BCKDHB: variants seen among roughly 807,000 people sequenced by gnomAD.
BCKDHB encodes the protein branched chain keto acid dehydrogenase E1 subunit beta, also known as 2-oxoisovalerate dehydrogenase subunit beta, mitochondrial.
Under a neutral mutation model 48.5 loss-of-function variants are expected in BCKDHB, and 41 were observed. That is an observed-to-expected ratio of 0.85 (90% CI 0.66 to 1.10). The LOEUF is 1.10. Among genes scored for constraint, BCKDHB ranks in the 50% least tolerant of loss-of-function variants. The pLI, the probability that BCKDHB is intolerant of heterozygous loss-of-function variation, is 0.00. For missense variants in BCKDHB, 496 were observed against 494.2 expected (o/e 1.00, Z -0.03); for synonymous variants, 201 against 174.8 (o/e 1.15, Z -1.18).
At chr6:80,359,654 G>T in the BCKDHB span, among the ~76,000 whole-genome samples, 1 of 152,128 alleles carries the variant, frequency 6.6e-6, no homozygotes. Flanking sequence ...GAGTGCAGTG[G>T]CGCTATCTGG....
chr6:80,268,332 T>C (rs1777599199), intron 8 of BCKDHB, among the ~76,000 whole-genome samples: 1 of 152,098 alleles, frequency 6.6e-6, no homozygotes, highest in African/African-American at 2.4e-5. Context: ...TAATGAAGTA[T>C]ACGTGCTATG....
chr6:80,129,265 A>G, intron 3 of BCKDHB, 36 bp downstream of exon 3: 1 of 1,524,812 alleles, frequency 6.6e-7, no homozygotes, highest in Non-Finnish European at 9.1e-7. Context: ...ATTCTGATAG[A>G]ACTTTTACTA....
At chr6:80,411,089 A>G in the BCKDHB span, among the ~76,000 whole-genome samples, 1 of 151,948 alleles carries the variant, frequency 6.6e-6, no homozygotes, top group Non-Finnish European at 1.5e-5. Flanking sequence ...GGTTTTATCT[A>G]CCTTTGGTCT....
At chr6:80,193,738 A>C (rs941492175) in intron 6 of BCKDHB, among the ~76,000 whole-genome samples, 6 of 150,980 alleles carry the variant, frequency 4.0e-5, no homozygotes, top group African/African-American at 1.5e-4. Context: ...AAAAAAAAAA[A>C]GTCTCCTGGT....
chr6:80,250,460 G>A (rs1294108921), intron 8 of BCKDHB, among the ~76,000 whole-genome samples: 3 of 152,082 alleles, frequency 2.0e-5, no homozygotes, highest in Non-Finnish European at 2.9e-5. Context: ...TTCCCAAACC[G>A]TGATCACAGC....
chr6:80,409,751 C>T, the BCKDHB span, among the ~76,000 whole-genome samples: 1 of 150,964 alleles, frequency 6.6e-6, no homozygotes, highest in Non-Finnish European at 1.5e-5. Context: ...GCAACCCCTG[C>T]TGCTTTTTGC....
the BCKDHB span, among the ~76,000 whole-genome samples, chr6:80,422,728 G>A: frequency 1.3e-5 from 2 of 152,194 alleles, no homozygotes; most frequent in African/African-American, 4.8e-5. Context: ...AACTTGCATA[G>A]GGATGGTGGC....
the BCKDHB span, among the ~76,000 whole-genome samples, chr6:80,461,579 A>G: frequency 6.6e-6 from 1 of 152,156 alleles, no homozygotes; most frequent in South Asian, 2.1e-4. Context: ...ATAAAGTCAA[A>G]CTTGTAAGCA....
chr6:80,293,399 C>T (rs547680141), intron 9 of BCKDHB, among the ~76,000 whole-genome samples: 16 of 152,214 alleles, frequency 1.1e-4, no homozygotes, highest in Non-Finnish European at 2.4e-4. Flanking sequence ...TCTAAAGCCA[C>T]AGCCCAAGCT....
At chr6:80,163,311 C>CTTTTTTTTTTTTTT (rs34383985) in intron 3 of BCKDHB, among the ~76,000 whole-genome samples, 1 of 138,100 alleles carries the variant, frequency 7.2e-6, no homozygotes. Flanking sequence ...TGCAATTAAG[C>CTTTTTTTTTTTTTT]TTTTTTTTTT....
chr6:80,141,173 G>C (rs569991623), intron 3 of BCKDHB, among the ~76,000 whole-genome samples: 22 of 151,760 alleles, frequency 1.4e-4, no homozygotes, highest in African/African-American at 5.1e-4. Flanking sequence ...TTTTTAATGC[G>C]TCTATTCGAT....
intron 1 of BCKDHB, among the ~76,000 whole-genome samples, chr6:80,122,815 G>C (rs1054019455): frequency 6.6e-6 from 1 of 152,134 alleles, no homozygotes; most frequent in Non-Finnish European, 1.5e-5. Flanking sequence ...TTTGAGAGCA[G>C]AGAACCAGTC....
At chr6:80,220,734 CTTTTTT>C (rs67235328) in intron 8 of BCKDHB, among the ~76,000 whole-genome samples, 3 of 121,934 alleles carry the variant, frequency 2.5e-5, no homozygotes, top group Admixed American at 9.1e-5. Context: ...TTTTCTTTTT[CTTTTTT>C]TTTTTTTTTT....
At chr6:80,254,682 A>G (rs1235507454) in intron 8 of BCKDHB, among the ~76,000 whole-genome samples, 3 of 152,212 alleles carry the variant, frequency 2.0e-5, no homozygotes, top group Non-Finnish European at 4.4e-5. Context: ...GCAGACTGAC[A>G]GAGTAAAATC....
chr6:80,155,839 GT>G (rs377189940), intron 3 of BCKDHB, among the ~76,000 whole-genome samples: 4,635 of 110,012 alleles, frequency 0.042, 180 homozygotes, highest in African/African-American at 0.12. Context: ...ATGCAAAGTT[GT>G]TTTTTTTTTT....
At chr6:80,214,003 A>G (rs1165463475) in intron 8 of BCKDHB, among the ~76,000 whole-genome samples, 1 of 152,144 alleles carries the variant, frequency 6.6e-6, no homozygotes, top group Non-Finnish European at 1.5e-5. Flanking sequence ...TAGATTTAGC[A>G]TTCTTTCCTC....
intron 8 of BCKDHB, among the ~76,000 whole-genome samples, chr6:80,259,115 T>TA (rs746998247): frequency 5.7e-4 from 87 of 152,296 alleles, no homozygotes; most frequent in East Asian, 9.6e-4. Context: ...TTGATTTTGT[T>TA]AAAAAACCTG....
intron 9 of BCKDHB, among the ~76,000 whole-genome samples, chr6:80,299,126 C>G (rs534830522): frequency 5.3e-5 from 8 of 152,108 alleles, no homozygotes; most frequent in Non-Finnish European, 1.2e-4. Context: ...TAAGTTGAGC[C>G]TCAAACCAAG....
rs1306518945 is a variant in BCKDHB, at chr6:80,123,613, A to G, written c.197-3934A>G. ...CAGAGATTCAACTTCTTCCTGGTTTAGTCTTGGGAGGGTGTATGTGTCCAG... is the reference window on the plus strand; with the variant it reads ...CAGAGATTCAACTTCTTCCTGGTTTGGTCTTGGGAGGGTGTATGTGTCCAG... On this transcript the variant is annotated intron_variant, in intron 1 of 9. Coordinates refer to ENST00000320393, the MANE Select transcript of BCKDHB (RefSeq NM_183050.4). Among the ~76,000 whole-genome samples, 4 of 152,184 alleles carry G rather than the reference A, an allele frequency of 2.6e-5. No individual in the cohort carries two copies. In the East Asian group the frequency reaches 7.7e-4, roughly 29 times the overall value.
Sources: gnomAD v4.1 joint callset for allele counts (sites outside exome capture counted in the v4.1 genomes callset) on GRCh38, gnomAD v4.1.1 for gene constraint, MANE v1.5 for transcripts, NCBI Gene and HGNC (gene_info 2026-07-23, HGNC 2026-07-21) for gene names.